The following FHIP1B variants were observed in gnomAD, a reference collection of about 807,000 sequenced individuals.
FHIP1B encodes FHF complex subunit HOOK interacting protein 1B.
FHIP1B carries 28 observed loss-of-function variants against 82.2 expected under a neutral mutation model. The observed-to-expected ratio is 0.34, with a 90% CI of 0.25 to 0.47. The LOEUF is 0.47. FHIP1B is among the 20% of genes least tolerant of loss of function. The pLI, the probability that FHIP1B is intolerant of heterozygous loss-of-function variation, is 1.00. For synonymous variants in FHIP1B, 585 were observed against 516.1 expected (o/e 1.13, Z -1.81); for missense variants, 1,110 against 1,262.6 (o/e 0.88, Z 1.83).
Position 6,224,168 on chromosome 11 carries a change from AGT to A in FHIP1B, c.217_218del (p.Thr73LeufsTer45). 6.2e-7 allele frequency: 1 copy of A among 1,613,938 alleles called. No individual in the cohort carries two copies. Among genetic ancestry groups the A allele is most frequent in the Non-Finnish European group, 8.5e-7 (1 of 1,179,950 alleles). On this transcript the variant is annotated frameshift_variant, in exon 3 of 12. Coordinates refer to ENST00000449352, the MANE Select transcript of FHIP1B (RefSeq NM_001098794.2). LOFTEE classifies it high-confidence loss of function. ...CTGCCAGCAGTGTCAACATCTGGTA[AGT>A]GTGGTTGCGCACAGCACTGAGATCG... Reference protein sequence around the residue: ...ADDLSAVRNHTYQMLTLLAED... With the variant: ...ADDLSAVRNHXYQMLTLLAED...
intron 1 of FHIP1B, among the ~76,000 whole-genome samples, chr11:6,231,101 T>C (rs1177994990): frequency 2.6e-5 from 4 of 152,150 alleles, no homozygotes; most frequent in Non-Finnish European, 5.9e-5. Context: ...GACAAAAAAT[T>C]GTTTTAAAAA....
At chr11:6,221,430 G>C (rs958210650) in intron 6 of FHIP1B, among the ~76,000 whole-genome samples, 3 of 152,098 alleles carry the variant, frequency 2.0e-5, no homozygotes, top group African/African-American at 7.2e-5. Flanking sequence ...TATTCTCCTA[G>C]AGGGGCTTAA....
At chr11:6,221,768 T>G (rs1410117358) in intron 6 of FHIP1B, among the ~76,000 whole-genome samples, 3 of 152,180 alleles carry the variant, frequency 2.0e-5, no homozygotes, top group Non-Finnish European at 2.9e-5. Flanking sequence ...GCCACCCTAT[T>G]ATTTCTAAGC....
chr11:6,217,516 A>G lies in FHIP1B; in HGVS notation c.2070T>C (p.Thr690=), dbSNP rs1428132595. The G allele has an allele frequency of 1.9e-6, 3 of 1,611,924 alleles. No homozygotes were observed. Among genetic ancestry groups the G allele is most frequent in the South Asian group, 2.2e-5 (2 of 90,852 alleles). ...GAGGTTCTAAGGGGGACTCTGAGCC[A>G]GTTCCCCCATTGCTCAATGCCACCT... The part of the protein sequence containing the change: ...ELEVALSNGG[T]GSESPLEPPL... The change falls in exon 9 of 12, where the codon ACT becomes ACC. Residue 690 remains threonine, a synonymous_variant. Transcript: ENST00000449352.
At chr11:6,232,375 G>A (rs545187370) in intron 1 of FHIP1B, among the ~76,000 whole-genome samples, 130 of 152,324 alleles carry the variant, frequency 8.5e-4, no homozygotes, top group African/African-American at 2.8e-3. Context: ...CACTGCGACA[G>A]CATTAAACAT....
Position 6,217,777 on chromosome 11 carries a change from C to T in FHIP1B, c.1809G>A (p.Arg603=). Residue 603 remains arginine (R), a synonymous_variant, in exon 9 of 12, where the codon AGG becomes AGA. Coordinates refer to ENST00000449352, the MANE Select transcript of FHIP1B (RefSeq NM_001098794.2). The part of the protein sequence containing the change: ...KKRSLLPEED[R]NNVGEGEEEE... The stretch of plus-strand genomic sequence containing the variant: ...CCTCCTCCCCTTCCCCCACGTTGTT[C>T]CTGTCCTCCTCAGGCAGTAGGCTGC... The T allele has an allele frequency of 6.7e-7, 1 of 1,487,282 alleles. No individual in the cohort carries two copies. The highest frequency in any genetic ancestry group is 9.1e-7 in the Non-Finnish European group (1 of 1,103,698). 92.1% of individuals were successfully genotyped at this position (1,487,282 alleles called of 1,614,324 possible).
At chr11:6,211,897 GC>G in intron 11 of FHIP1B, 30 bp from the exon 12 acceptor site, 3 of 1,520,606 alleles carry the variant, frequency 2.0e-6, no homozygotes, top group Non-Finnish European at 2.6e-6. Flanking sequence ...TCATGAAGGT[GC>G]TGGGATCAGG....
rs1268266437 is a variant in FHIP1B at position 6,211,838 on chromosome 11, A to C, written c.2587T>G (p.Leu863Val). The change falls in exon 12 of 12, where the codon TTA becomes GTA. Residue 863 changes from leucine (L) to valine (V), a missense_variant. Leu to Val is a conservative substitution (Grantham distance 32, BLOSUM62 1). Coordinates refer to ENST00000449352, the MANE Select transcript of FHIP1B (RefSeq NM_001098794.2). ...VKSRRPSLGE[L>V]LLRHAHSPTR... ...GGACTGTGTGCATGCCGCAGGAGTAACTCCCCCAAGGATGGCCTCCGGCTC... is the reference window on the plus strand; with the variant it reads ...GGACTGTGTGCATGCCGCAGGAGTACCTCCCCCAAGGATGGCCTCCGGCTC... 1 of 1,589,978 alleles carries C rather than the reference A, an allele frequency of 6.3e-7. No homozygotes were observed. The highest frequency in any genetic ancestry group is 8.5e-7 in the Non-Finnish European group (1 of 1,170,174).
intron 1 of FHIP1B, among the ~76,000 whole-genome samples, chr11:6,232,046 A>G (rs1014601324): frequency 3.9e-5 from 6 of 152,230 alleles, no homozygotes; most frequent in Admixed American, 3.3e-4. Context: ...CAGAGCAGAT[A>G]TGGAATAAAT....
chr11:6,222,498 G>C lies in FHIP1B; in HGVS notation c.1135C>G (p.His379Asp). The C allele has an allele frequency of 6.2e-7, 1 of 1,614,128 alleles. No individual in the cohort carries two copies. Among genetic ancestry groups the C allele is most frequent in the Non-Finnish European group, 8.5e-7 (1 of 1,180,022 alleles). The change falls in exon 6 of 12, where the codon CAT becomes GAT. Residue 379 changes from histidine (H) to aspartate (D), a missense_variant. His to Asp is a moderately conservative substitution (Grantham distance 81). Coordinates refer to ENST00000449352, the MANE Select transcript of FHIP1B (RefSeq NM_001098794.2). Reference sequence around the variant, plus strand: ...GTGTCGAGGATGGTGTGGGTGTCATGCCGGTGCAACAACAGGAATCGCAGG... The same window carrying C: ...GTGTCGAGGATGGTGTGGGTGTCATCCCGGTGCAACAACAGGAATCGCAGG... ...TFLRFLLLHR[H>D]DTHTILDTLV...
chr11:6,224,359 T>G lies in FHIP1B; in HGVS notation c.138+20A>C. 6.2e-7 allele frequency: 1 copy of G among 1,614,194 alleles called. No homozygotes were observed. Among genetic ancestry groups the G allele is most frequent in the Non-Finnish European group, 8.5e-7 (1 of 1,180,024 alleles). Reference sequence around the variant, plus strand: ...CTCAGGTGATCAGCAGACAAGGCCCTTTGCCATACAGTCTCCTACCTGGGA... The same window carrying G: ...CTCAGGTGATCAGCAGACAAGGCCCGTTGCCATACAGTCTCCTACCTGGGA... On this transcript the variant is annotated intron_variant, in intron 2 of 11. Coordinates refer to ENST00000449352, the MANE Select transcript of FHIP1B (RefSeq NM_001098794.2).
Position 6,222,847 on chromosome 11 carries a change from C to A in FHIP1B, c.987G>T (p.Gly329=), listed in dbSNP as rs749142571. The change falls in exon 5 of 12, where the codon GGG becomes GGT. Residue 329 remains glycine, a synonymous_variant. Transcript: ENST00000449352. ...QKQLVDYIHN[G]FLVPVMGPAL... The stretch of plus-strand genomic sequence containing the variant: ...CAGGACCCATGACAGGCACCAGGAA[C>A]CCATTATGGATATAATCAACCAACT... 1 of 1,614,130 alleles carries A rather than the reference C, an allele frequency of 6.2e-7. No individual in the cohort carries two copies. The highest frequency in any genetic ancestry group is 1.1e-5 in the South Asian group (1 of 91,068).
intron 1 of FHIP1B, among the ~76,000 whole-genome samples, chr11:6,231,337 T>G (rs980150384): frequency 1.3e-5 from 2 of 152,086 alleles, no homozygotes; most frequent in Non-Finnish European, 2.9e-5. Flanking sequence ...GCAAAGACTA[T>G]GAATTCTGTT....
Position 6,217,474 on chromosome 11 carries a change from C to A in FHIP1B, c.2112G>T (p.Glu704Asp). ...AGGTGAAGCTCTCGTAGGCCTCCTC[C>A]TCCTCAAGGGGCAGTGGAGGTTCTA... ...SPLEPPLPLE[E>D]EEAYESFTCP... The change falls in exon 9 of 12, where the codon GAG becomes GAT. Residue 704 changes from glutamate to aspartate, a missense_variant. Glu to Asp is a conservative substitution (Grantham distance 45, BLOSUM62 2). Coordinates refer to ENST00000449352, the MANE Select transcript of FHIP1B (RefSeq NM_001098794.2). 1 of 1,613,736 alleles carries A rather than the reference C, an allele frequency of 6.2e-7. No individual in the cohort carries two copies.
intron 1 of FHIP1B, among the ~76,000 whole-genome samples, chr11:6,231,414 C>T (rs186137642): frequency 8.7e-4 from 130 of 149,722 alleles, no homozygotes; most frequent in African/African-American, 2.9e-3. Flanking sequence ...ACTTGGAATA[C>T]AGGGAAAGAT....
intron 9 of FHIP1B, chr11:6,215,172 T>C (rs1162913448): frequency 2.9e-6 from 1 of 349,316 alleles, no homozygotes. Context: ...CTCTGAAAGA[T>C]CTGGTTTCAC....
chr11:6,215,046 T>C (rs1289560189), intron 9 of FHIP1B, 135 bp from the exon 10 acceptor site: 3 of 835,600 alleles, frequency 3.6e-6, no homozygotes, highest in Middle Eastern at 2.5e-4. Context: ...TGTTTAAATA[T>C]CCCGTGGCCA....
At chr11:6,231,874 C>T (rs542571596) in intron 1 of FHIP1B, among the ~76,000 whole-genome samples, 5 of 152,282 alleles carry the variant, frequency 3.3e-5, no homozygotes, top group African/African-American at 9.6e-5. Flanking sequence ...TCTCTCTCTC[C>T]CTACTAGACT....
At chr11:6,234,136 G>A (rs1007319280) in intron 1 of FHIP1B, among the ~76,000 whole-genome samples, 21 of 151,940 alleles carry the variant, frequency 1.4e-4, no homozygotes, top group African/African-American at 5.1e-4. Context: ...AGTCTCACAA[G>A]CCCTAATTCC....
Sources: gnomAD v4.1 joint callset for allele counts (sites outside exome capture counted in the v4.1 genomes callset) on GRCh38, gnomAD v4.1.1 for gene constraint, MANE v1.5 for transcripts, NCBI Gene and HGNC (gene_info 2026-07-23, HGNC 2026-07-21) for gene names.